The following AATK variants were observed in gnomAD, a reference collection of about 807,000 sequenced individuals.
AATK encodes serine/threonine-protein kinase LMTK1.
Under a neutral mutation model 114.3 loss-of-function variants are expected in AATK, and 91 were observed. The ratio of observed to expected loss-of-function variants is 0.80; its 90% CI spans 0.67 to 0.95. The LOEUF (loss-of-function observed/expected upper bound fraction) is 0.95. AATK is among the 40% of genes least tolerant of loss of function. The pLI is 0.00. For missense variants in AATK, 2,176 were observed against 1,965.2 expected (o/e 1.11, Z -2.03); for synonymous variants, 1,075 against 916.5 (o/e 1.17, Z -3.12).
rs185138597 is a variant in AATK, at chr17:81,161,884, C to T, written c.55+4054G>A. On this transcript the variant is annotated intron_variant, in intron 1 of 13. Coordinates refer to ENST00000326724, the MANE Select transcript of AATK (RefSeq NM_001080395.3). ...ACCTTCCAGCATGTTCCACACAACA[C>T]AACAGCTGCCAGCCCACCCCAGCCA... 1.4e-4 allele frequency among the ~76,000 whole-genome samples: 21 copies of T among 152,284 alleles called. No individual in the cohort carries two copies. The East Asian group carries it at 4.1e-3, about 29-fold the overall frequency.
At chr17:81,140,414 C>T (rs1243214202) in intron 1 of AATK, among the ~76,000 whole-genome samples, 4 of 152,222 alleles carry the variant, frequency 2.6e-5, no homozygotes, top group African/African-American at 9.6e-5. Context: ...TAAGGGGGCA[C>T]CTGGTGTATG....
Position 81,166,044 on chromosome 17 carries a change from C to T in AATK, c.-52G>A, listed in dbSNP as rs2061487020. ...CCGGGAGGGCGCTGCGCTCAGGACG[C>T]CCGCGGCCCCGGCCCGAGCCGCCGC... is the stretch of plus-strand genomic sequence containing the variant. On this transcript the variant is annotated 5_prime_UTR_variant, in exon 1 of 14. Transcript: ENST00000326724. 8.0e-6 allele frequency: 11 copies of T among 1,374,210 alleles called. No individual in the cohort carries two copies. The highest frequency in any genetic ancestry group is 3.2e-5 in the Admixed American group (1 of 31,456). 85.1% of individuals were successfully genotyped at this position (1,374,210 alleles called of 1,614,324 possible). A position where few individuals can be genotyped will look rare whatever the true frequency, so the allele number is the denominator to read the frequency against.
chr17:81,135,541 T>C (rs1344700818), intron 1 of AATK, among the ~76,000 whole-genome samples: 2 of 151,756 alleles, frequency 1.3e-5, no homozygotes, highest in African/African-American at 4.8e-5. Context: ...CAACACCCCA[T>C]CTCCTGGCCC....
intron 9 of AATK, among the ~76,000 whole-genome samples, chr17:81,123,838 CTG>C (rs773486674): frequency 1.2e-4 from 18 of 152,146 alleles, no homozygotes; most frequent in Non-Finnish European, 2.4e-4. Flanking sequence ...GGTAGGGTAA[CTG>C]GGGTCTCCTT....
chr17:81,126,612 C>G lies in AATK; in HGVS notation c.622-52G>C. On this transcript the variant is annotated intron_variant, in intron 6 of 13. Coordinates refer to ENST00000326724, the MANE Select transcript of AATK (RefSeq NM_001080395.3). The surrounding 1 kb of genome is among the most constrained non-coding windows in gnomAD (Gnocchi z 5.1). Reference sequence around the variant, plus strand: ...ACCAGCAGGCTGGGGGCTGGCCACCCTGGGAGGTCCCCACCTACCTCCCCA... The same window carrying G: ...ACCAGCAGGCTGGGGGCTGGCCACCGTGGGAGGTCCCCACCTACCTCCCCA... 1 of 1,510,898 alleles carries G rather than the reference C, an allele frequency of 6.6e-7. No homozygotes were observed. Among genetic ancestry groups the G allele is most frequent in the African/African-American group, 1.4e-5 (1 of 72,356 alleles). 93.6% of individuals were successfully genotyped at this position (1,510,898 alleles called of 1,614,324 possible). A position where few individuals can be genotyped will look rare whatever the true frequency, so the allele number is the denominator to read the frequency against.
In AATK at chr17:81,120,210, G is replaced by C; in HGVS notation, c.3726C>G (p.Leu1242=). The part of the protein sequence containing the change: ...VSFFDDVTVY[L]FDQESPTREL... Reference sequence around the variant, plus strand: ...GGTGGCGGCGGCCCACCTGGTCAAAGAGGTAGACGGTGACGTCGTCGAAGA... The same window carrying C: ...GGTGGCGGCGGCCCACCTGGTCAAACAGGTAGACGGTGACGTCGTCGAAGA... Residue 1242 remains leucine (L), a synonymous_variant, in exon 11 of 14, where the codon CTC becomes CTG. Coordinates refer to ENST00000326724, the MANE Select transcript of AATK (RefSeq NM_001080395.3). 1 of 1,575,326 alleles carries C rather than the reference G, an allele frequency of 6.3e-7. No homozygotes were observed. Among genetic ancestry groups the C allele is most frequent in the Non-Finnish European group, 8.7e-7 (1 of 1,153,606 alleles).
intron 1 of AATK, among the ~76,000 whole-genome samples, chr17:81,137,186 A>G (rs1026313064): frequency 9.9e-5 from 15 of 151,424 alleles, no homozygotes; most frequent in African/African-American, 3.4e-4. Flanking sequence ...CGAACCCAGG[A>G]GGCGGAGGCT....
rs984814728 is a variant in AATK at position 81,121,892 on chromosome 17, C to T, written c.2044G>A (p.Val682Met). The change falls in exon 11 of 14, where the codon GTG becomes ATG. Residue 682 changes from valine (V) to methionine (M), a missense_variant. Physicochemically the swap from Val to Met is conservative, Grantham distance 21 (BLOSUM62 1). Coordinates refer to ENST00000326724, the MANE Select transcript of AATK (RefSeq NM_001080395.3). ...CTGCCGCTGTTGTTGTTGGCTGACA[C>T]GTTGGAGCGCCAGTGCCCGCGCTGG... ...AAQRGHWRSN[V>M]SANNNSGSRC... 1 of 1,600,454 alleles carries T rather than the reference C, an allele frequency of 6.2e-7. No individual in the cohort carries two copies.
At chr17:81,142,304 G>C (rs562849402) in intron 1 of AATK, among the ~76,000 whole-genome samples, 1 of 142,566 alleles carries the variant, frequency 7.0e-6, no homozygotes, top group East Asian at 2.1e-4. Flanking sequence ...ACAGAATCTT[G>C]CTCTGTCACC....
rs1347381944 is a variant in AATK, at chr17:81,117,533, ACCATCCCTCTCCCT to A, written c.*855_*868del. On this transcript the variant is annotated 3_prime_UTR_variant, in exon 14 of 14. Coordinates refer to ENST00000326724, the MANE Select transcript of AATK (RefSeq NM_001080395.3). ...CTGCCCCCAGCTCCACCCCTTCCCC[ACCATCCCTCTCCCT>A]GTAGGTAGGAGCCCCCCAACACTGA... 6.6e-6 allele frequency: 1 copy of A among 152,120 alleles called. No individual in the cohort carries two copies. The highest frequency in any genetic ancestry group is 1.5e-5 in the Non-Finnish European group (1 of 68,034). The allele number at this position is 152,120 out of a possible 1,614,324, so 9.4% of individuals were successfully genotyped here. A position where few individuals can be genotyped will look rare whatever the true frequency, so the allele number is the denominator to read the frequency against.
In AATK at chr17:81,126,025, C is replaced by T; in HGVS notation, c.755+402G>A. ...TTCTTCCAGCATGTCCCCCCGGGGT[C>T]CCCAGGGGCTGGGCATCCTGGCCCA... is the stretch of plus-strand genomic sequence containing the variant. On this transcript the variant is annotated intron_variant, in intron 7 of 13. Coordinates refer to ENST00000326724, the MANE Select transcript of AATK (RefSeq NM_001080395.3). This position sits in a 1 kb window ranked among gnomAD's most constrained non-coding sequence, Gnocchi z 5.1. 1 of 479,846 alleles carries T rather than the reference C, an allele frequency of 2.1e-6. No homozygotes were observed. Among genetic ancestry groups the T allele is most frequent in the South Asian group, 1.5e-5 (1 of 64,566 alleles). 29.7% of individuals were successfully genotyped at this position (479,846 alleles called of 1,614,324 possible).
At chr17:81,119,718 C>G in intron 12 of AATK, 138 bp from the exon 13 acceptor site, 1 of 976,672 alleles carries the variant, frequency 1.0e-6, no homozygotes, top group Non-Finnish European at 1.3e-6. Flanking sequence ...GTCACGGGCC[C>G]AGGCCCCGCC....
At chr17:81,119,166 GTGAGGGT>G (rs1172533692) in intron 13 of AATK, among the ~76,000 whole-genome samples, 111 of 147,722 alleles carry the variant, frequency 7.5e-4, no homozygotes, top group Admixed American at 1.8e-3. Context: ...TGAGGGTCAG[GTGAGGGT>G]CAGGTGAGGG....
chr17:81,156,196 TCATGTTACAATGTATGTTAC>T (rs1567827837), intron 1 of AATK, among the ~76,000 whole-genome samples: 5 of 65,184 alleles, frequency 7.7e-5, no homozygotes, highest in Non-Finnish European at 1.9e-4. Context: ...ATGTATGTTA[TCATGTTACAATGTATGTTAC>T]CATGTTACAA....
chr17:81,118,320 C>T lies in AATK; in HGVS notation c.*82G>A, dbSNP rs1315198697. 1 of 1,450,688 alleles carries T rather than the reference C, an allele frequency of 6.9e-7. No homozygotes were observed. The highest frequency in any genetic ancestry group is 9.4e-7 in the Non-Finnish European group (1 of 1,062,994). 89.9% of individuals were successfully genotyped at this position (1,450,688 alleles called of 1,614,324 possible). On this transcript the variant is annotated 3_prime_UTR_variant, in exon 14 of 14. Coordinates refer to ENST00000326724, the MANE Select transcript of AATK (RefSeq NM_001080395.3). The stretch of plus-strand genomic sequence containing the variant: ...CCAACAGCCACCAGGACGTGGTCCC[C>T]ACCTTCTCGGTCACCATCCTCGCTG...
At position 81,120,868 on chromosome 17, in the gene AATK, G is replaced by A; in HGVS notation, c.3068C>T (p.Pro1023Leu). Reference protein sequence around the residue: ...KKCGGDRAPGPELGLPSTGQP... With the variant: ...KKCGGDRAPGLELGLPSTGQP... Reference sequence around the variant, plus strand: ...CCCAGTGCTCGGCAGGCCCAGCTCTGGCCCGGGGGCTCGGTCCCCGCCGCA... The same window carrying A: ...CCCAGTGCTCGGCAGGCCCAGCTCTAGCCCGGGGGCTCGGTCCCCGCCGCA... Residue 1023 changes from proline to leucine, a missense_variant, in exon 11 of 14, where the codon CCA (proline) becomes CTA (leucine). Pro to Leu is a moderately conservative substitution (Grantham distance 98). This residue lies in a region of AATK where 1,701 missense variants were observed against 1,394.7 expected (regional missense o/e 1.22). Transcript: ENST00000326724. 1 of 1,577,620 alleles carries A rather than the reference G, an allele frequency of 6.3e-7. No individual in the cohort carries two copies. Among genetic ancestry groups the A allele is most frequent in the Non-Finnish European group, 8.6e-7 (1 of 1,161,894 alleles).
intron 2 of AATK, 66 bp downstream of exon 2, chr17:81,134,302 T>G: frequency 6.3e-7 from 1 of 1,582,934 alleles, no homozygotes; most frequent in Non-Finnish European, 8.6e-7. Context: ...AAGCTCAGGG[T>G]CAAGTGGACG....
At chr17:81,124,627 G>T in intron 9 of AATK, 100 bp downstream of exon 9, 2 of 1,537,578 alleles carry the variant, frequency 1.3e-6, no homozygotes, top group South Asian at 1.2e-5. Flanking sequence ...AGGTGGCTCC[G>T]GCAGCCCCCT....
chr17:81,121,221 G>A lies in AATK; in HGVS notation c.2715C>T (p.Ser905=). The change falls in exon 11 of 14, where the codon TCC becomes TCT. Residue 905 remains serine (S), a synonymous_variant. Coordinates refer to ENST00000326724, the MANE Select transcript of AATK (RefSeq NM_001080395.3). The part of the protein sequence containing the change: ...KQVGTPDSLD[S]LDIPSSASDG... Reference sequence around the variant, plus strand: ...CACTGGCTGAGGACGGGATGTCCAGGGAGTCCAGGGAGTCGGGGGTCCCCA... The same window carrying A: ...CACTGGCTGAGGACGGGATGTCCAGAGAGTCCAGGGAGTCGGGGGTCCCCA... The A allele has an allele frequency of 6.2e-7, 1 of 1,605,074 alleles. No homozygotes were observed. The highest frequency in any genetic ancestry group is 1.1e-5 in the South Asian group (1 of 89,650).
Sources: gnomAD v4.1 joint callset for allele counts (sites outside exome capture counted in the v4.1 genomes callset) on GRCh38, gnomAD v4.1.1 for gene constraint, gnomAD v4.1.1 regional missense constraint, Gnocchi (gnomAD v3.1) non-coding constraint, MANE v1.5 for transcripts, NCBI Gene and HGNC (gene_info 2026-07-23, HGNC 2026-07-21) for gene names.